The following CEP192 variants were observed in gnomAD, a reference collection of about 807,000 sequenced individuals.
CEP192 encodes centrosomal protein of 192 kDa.
CEP192 carries 151 observed loss-of-function variants against 271.8 expected under a neutral mutation model. That is an observed-to-expected ratio of 0.56 (90% CI 0.49 to 0.64). CEP192 has a LOEUF of 0.64. Among genes scored for constraint, CEP192 ranks in the 30% least tolerant of loss-of-function variants. The pLI, the probability that CEP192 is intolerant of heterozygous loss-of-function variation, is 0.00. For synonymous variants in CEP192, 995 were observed against 1,076.5 expected, an observed-to-expected ratio of 0.92 and a Z score of 1.48; for missense variants, 2,910 against 3,020.5, an observed-to-expected ratio of 0.96 and a Z score of 0.86.
chr18:13,032,472 G>C (rs1310123569), intron 11 of CEP192, among the ~76,000 whole-genome samples: 1 of 152,194 alleles, frequency 6.6e-6, no homozygotes, highest in Admixed American at 6.5e-5. Context: ...ATCTAAAAAT[G>C]ATGATGCAGA....
intron 31 of CEP192, 61 bp downstream of exon 31, chr18:13,087,338 GTATTT>G (rs2038943909): frequency 7.2e-7 from 1 of 1,396,364 alleles, no homozygotes; most frequent in African/African-American, 1.5e-5. Flanking sequence ...TAATAATTAT[GTATTT>G]TAAAGCCAAA....
At chr18:13,018,899 T>C (rs1484231658) in intron 8 of CEP192, among the ~76,000 whole-genome samples, 183 bp from the exon 9 acceptor site, 1 of 152,204 alleles carries the variant, frequency 6.6e-6, no homozygotes, top group Non-Finnish European at 1.5e-5. Flanking sequence ...ATGGTAGCAG[T>C]TTATCATGTT....
In CEP192 at chr18:13,088,451, A is replaced by G. The variant is rs576966081; in HGVS notation, c.5993+805A>G. Among the ~76,000 whole-genome samples the G allele has an allele frequency of 3.9e-5, 6 of 152,316 alleles. No individual in the cohort carries two copies. In the East Asian group the frequency reaches 1.2e-3, roughly 29 times the overall value. ...CCAGACCTCTCTCATAAATAAATAA[A>G]TACATACATACATAAATAATTTAAA... On this transcript the variant is annotated intron_variant, in intron 32 of 44. Transcript: ENST00000506447.
At chr18:13,097,112 G>A (rs1217916081) in intron 36 of CEP192, among the ~76,000 whole-genome samples, 4 of 152,316 alleles carry the variant, frequency 2.6e-5, no homozygotes, top group East Asian at 1.9e-4. Flanking sequence ...TCCAGAGAGC[G>A]TTGCTGGGAC....
chr18:13,099,589 T>A lies in CEP192; in HGVS notation c.6663+8T>A. Reference sequence around the variant, plus strand: ...TGTGACGATGGACAGAAGGTACTTTTAAAAGTGGTTTGGTTTTTTTTTTGA... The same window carrying A: ...TGTGACGATGGACAGAAGGTACTTTAAAAAGTGGTTTGGTTTTTTTTTTGA... On this transcript the variant is annotated splice_region_variant and intron_variant, in intron 37 of 44. Transcript: ENST00000506447. 1 of 1,467,428 alleles carries A rather than the reference T, an allele frequency of 6.8e-7. No individual in the cohort carries two copies. Among genetic ancestry groups the A allele is most frequent in the Non-Finnish European group, 9.3e-7 (1 of 1,079,448 alleles). The allele number at this position is 1,467,428 out of a possible 1,614,324, so 90.9% of individuals were successfully genotyped here.
chr18:13,116,444 G>A lies in CEP192; in HGVS notation c.7357G>A (p.Val2453Met), dbSNP rs2040434151. ...TGTGTACAGGTTCCGGCCGACTAGT[G>A]TGGGGGAATCACGGACACTTAAAGT... Reference protein sequence around the residue: ...EDVYRFRPTSVGESRTLKVNL... With the variant: ...EDVYRFRPTSMGESRTLKVNL... The change falls in exon 43 of 45, where the codon GTG becomes ATG. Residue 2453 changes from valine to methionine, a missense_variant. Physicochemically the swap from Val to Met is conservative, Grantham distance 21. Transcript: ENST00000506447. 2.5e-6 allele frequency: 4 copies of A among 1,612,238 alleles called. No homozygotes were observed. The highest frequency in any genetic ancestry group is 2.7e-5 in the African/African-American group (2 of 74,876).
chr18:13,071,101 T>C lies in CEP192; in HGVS notation c.5237T>C (p.Val1746Ala), dbSNP rs546597801. 1.9e-6 allele frequency: 3 copies of C among 1,613,986 alleles called. No homozygotes were observed. Among genetic ancestry groups the C allele is most frequent in the East Asian group, 2.2e-5 (1 of 44,886 alleles). Residue 1746 changes from valine (V) to alanine (A), a missense_variant, in exon 28 of 45, where the codon GTC becomes GCC. By Grantham distance (64) the Val-to-Ala change is moderately conservative. Coordinates refer to ENST00000506447, the MANE Select transcript of CEP192 (RefSeq NM_032142.4). ...PQYEVVLKGE[V>A]ISSGSKPLSP... ...TATGAGGTAGTGTTAAAAGGCGAAG[T>C]CATTTCTTCAGGAAGTAAACCTCTG...
chr18:13,123,887 T>C (rs2040786836), intron 44 of CEP192, among the ~76,000 whole-genome samples: 1 of 152,160 alleles, frequency 6.6e-6, no homozygotes, highest in South Asian at 2.1e-4. Flanking sequence ...CGGCCGGGCA[T>C]GGTGGCTCAT....
Position 13,100,449 on chromosome 18 carries a change from A to G in CEP192, c.6808A>G (p.Thr2270Ala). ...LVKPMTKPPS[T>A]KVEIRNKSIT... The stretch of plus-strand genomic sequence containing the variant: ...CAAACCAATGACAAAACCGCCTTCC[A>G]CAAAAGTTGAAATAAGAAACAAGAG... The change falls in exon 38 of 45, where the codon ACA becomes GCA. Residue 2270 changes from threonine to alanine, a missense_variant. Physicochemically the swap from Thr to Ala is moderately conservative, Grantham distance 58 (BLOSUM62 0). Coordinates refer to ENST00000506447, the MANE Select transcript of CEP192 (RefSeq NM_032142.4). 1.2e-6 allele frequency: 2 copies of G among 1,614,162 alleles called. No homozygotes were observed. The highest frequency in any genetic ancestry group is 1.7e-6 in the Non-Finnish European group (2 of 1,180,012).
At position 13,090,929 on chromosome 18, in the gene CEP192, G is replaced by A. The variant is rs190547969; in HGVS notation, c.6103+1364G>A. ...GGCATTGCCCCACCATATAGCAACA[G>A]TCCTCTCGTTGGATGGTGGATGCAT... On this transcript the variant is annotated intron_variant, in intron 33 of 44. Coordinates refer to ENST00000506447, the MANE Select transcript of CEP192 (RefSeq NM_032142.4). Among the ~76,000 whole-genome samples, 3 of 152,356 alleles carry A rather than the reference G, an allele frequency of 2.0e-5. No individual in the cohort carries two copies. The East Asian group carries it at 5.8e-4, about 29-fold the overall frequency.
chr18:13,076,595 T>C (rs543788396), intron 30 of CEP192, among the ~76,000 whole-genome samples: 4 of 152,334 alleles, frequency 2.6e-5, no homozygotes, highest in South Asian at 2.1e-4. Flanking sequence ...AGAATACTTA[T>C]AATGAGTGTT....
At chr18:13,061,866 A>G (rs531590947) in intron 21 of CEP192, among the ~76,000 whole-genome samples, 1 of 152,360 alleles carries the variant, frequency 6.6e-6, no homozygotes, top group South Asian at 2.1e-4. Flanking sequence ...AACGTCTCCA[A>G]ACATGGTCAA....
At chr18:13,013,660 C>G (rs1163021907) in intron 5 of CEP192, among the ~76,000 whole-genome samples, 1 of 152,052 alleles carries the variant, frequency 6.6e-6, no homozygotes, top group Admixed American at 6.6e-5. Context: ...AGTGACAACC[C>G]CACTGGACCA....
At chr18:13,029,625 T>C (rs2143525687) in intron 9 of CEP192, 38 bp from the exon 10 acceptor site, 2 of 1,245,120 alleles carry the variant, frequency 1.6e-6, no homozygotes, top group East Asian at 5.1e-5. Flanking sequence ...CAAGACTTAC[T>C]GTTGCTCTGT....
chr18:13,048,913 A>G lies in CEP192; in HGVS notation c.2122A>G (p.Ser708Gly). ...AAGATACAAAGACAAGCTACCAGAT[A>G]GTGGTGATTCTATGCTTAGGATCAG... ...PQRYKDKLPD[S>G]GDSMLRISTI... The change falls in exon 16 of 45, where the codon AGT becomes GGT. Residue 708 changes from serine to glycine, a missense_variant. Physicochemically the swap from Ser to Gly is moderately conservative, Grantham distance 56 (BLOSUM62 0). Transcript: ENST00000506447. The G allele has an allele frequency of 6.2e-7, 1 of 1,613,678 alleles. No individual in the cohort carries two copies. Among genetic ancestry groups the G allele is most frequent in the Admixed American group, 1.7e-5 (1 of 60,000 alleles).
intron 17 of CEP192, among the ~76,000 whole-genome samples, chr18:13,050,897 G>A (rs1416901232): frequency 1.3e-5 from 2 of 152,154 alleles, no homozygotes; most frequent in African/African-American, 4.8e-5. Context: ...TTTAACAGAT[G>A]TATTACCAGT....
At chr18:13,050,600 G>A (rs1436651562) in intron 17 of CEP192, among the ~76,000 whole-genome samples, 2 of 144,804 alleles carry the variant, frequency 1.4e-5, no homozygotes, top group Admixed American at 7.0e-5. Flanking sequence ...TTTTTTTTCC[G>A]ACAGAGTCTC....
Position 13,040,846 on chromosome 18 carries a change from T to G in CEP192, c.1826T>G (p.Phe609Cys). ...NNVKRPSFGY[F>C]IRSPEKREPI... ...ATTTTGTAGCCATCATTTGGCTATT[T>G]TATTAGATCACCAGAGAAGAGAGAA... The change falls in exon 14 of 45, where the codon TTT (phenylalanine) becomes TGT (cysteine). Residue 609 changes from phenylalanine to cysteine, a missense_variant. Physicochemically the swap from Phe to Cys is radical, Grantham distance 205 (BLOSUM62 -2). Coordinates refer to ENST00000506447, the MANE Select transcript of CEP192 (RefSeq NM_032142.4). 1 of 1,587,216 alleles carries G rather than the reference T, an allele frequency of 6.3e-7. No homozygotes were observed. The highest frequency in any genetic ancestry group is 8.6e-7 in the Non-Finnish European group (1 of 1,166,526).
chr18:13,055,228 G>A (rs149480394), intron 18 of CEP192, among the ~76,000 whole-genome samples: 20 of 151,344 alleles, frequency 1.3e-4, no homozygotes, highest in Non-Finnish European at 2.8e-4. Context: ...GCAGTGAGCC[G>A]AGATTGCGCC....
Sources: allele counts gnomAD v4.1 joint callset (sites outside exome capture counted in the v4.1 genomes callset), GRCh38; gene constraint gnomAD v4.1.1; transcripts MANE v1.5; gene names NCBI Gene and HGNC (gene_info 2026-07-23, HGNC 2026-07-21).